The following ACBD4 variants were observed in gnomAD, a reference collection of about 807,000 sequenced individuals.
The protein encoded by ACBD4 is acyl-CoA binding domain containing 4.
A neutral mutation model predicts 46.0 loss-of-function variants in ACBD4; 41 were observed. That is an observed-to-expected ratio of 0.89 (90% CI 0.69 to 1.16). The LOEUF (loss-of-function observed/expected upper bound fraction) is 1.16. Among genes scored for constraint, ACBD4 ranks in the 50% most tolerant of loss-of-function variants. ACBD4 has a pLI of 0.00. For missense variants in ACBD4, 393 were observed against 399.5 expected (o/e 0.98, Z 0.14); for synonymous variants, 162 against 155.9 (o/e 1.04, Z -0.29).
chr17:45,136,743 C>T lies in ACBD4; in HGVS notation c.261C>T (p.Ala87=). The change falls in exon 4 of 10, where the codon GCC becomes GCT. Residue 87 remains alanine, a synonymous_variant. Transcript: ENST00000321854. The part of the protein sequence containing the change: ...GKMSREEAMS[A]YITEMKLVAQ... ...TGAGCAGGGAGGAGGCCATGTCTGC[C>T]TACATCACTGAAATGAAACTGGTGG... The T allele has an allele frequency of 6.2e-7, 1 of 1,613,804 alleles. No homozygotes were observed. Among genetic ancestry groups the T allele is most frequent in the Non-Finnish European group, 8.5e-7 (1 of 1,180,032 alleles).
intron 9 of ACBD4, among the ~76,000 whole-genome samples, chr17:45,142,389 C>CAAAAAAAAAAA (rs1161132274): frequency 3.0e-3 from 86 of 28,592 alleles, no homozygotes; most frequent in Admixed American, 3.2e-3. Context: ...CAAGACTCCT[C>CAAAAAAAAAAA]AAAAAAAAAA....
Position 45,143,527 on chromosome 17 carries a change from G to A in ACBD4, c.874G>A (p.Val292Ile). The A allele has an allele frequency of 1.2e-6, 2 of 1,613,958 alleles. No homozygotes were observed. Among genetic ancestry groups the A allele is most frequent in the Non-Finnish European group, 1.7e-6 (2 of 1,179,986 alleles). Residue 292 changes from valine to isoleucine, a missense_variant, in exon 10 of 10, where the codon GTC becomes ATC. By Grantham distance (29) the Val-to-Ile change is conservative (BLOSUM62 3). Around this residue, in one of 3 missense-constraint regions of ACBD4, gnomAD observed 308 missense variants for 301.8 expected, o/e 1.02. Transcript: ENST00000321854. ...GCTCTTCTTCCTCCTGTGGCCCTTC[G>A]TCGTCCAGTGGCTCTTCCGAATGTT... ...ALLFFLLWPF[V>I]VQWLFRMFRT... is the part of the protein sequence containing the mutation.
intron 2 of ACBD4, 61 bp from the exon 3 acceptor site, chr17:45,136,439 C>A: frequency 6.4e-7 from 1 of 1,561,242 alleles, no homozygotes; most frequent in Non-Finnish European, 8.7e-7. Flanking sequence ...GGTTCTCCCG[C>A]CCCTCCGCCC....
At chr17:45,139,307 G>A in intron 9 of ACBD4, 147 bp downstream of exon 9, 1 of 874,324 alleles carries the variant, frequency 1.1e-6, no homozygotes, top group South Asian at 1.6e-5. Flanking sequence ...GCTACAGGCA[G>A]GAGGTGGGGG....
Position 45,143,631 on chromosome 17 carries a change from C to G in ACBD4, c.*60C>G, listed in dbSNP as rs988359030. 6.8e-6 allele frequency: 11 copies of G among 1,613,244 alleles called. No individual in the cohort carries two copies. The highest frequency in any genetic ancestry group is 9.3e-6 in the Non-Finnish European group (11 of 1,179,654). On this transcript the variant is annotated 3_prime_UTR_variant, in exon 10 of 10. Coordinates refer to ENST00000321854, the MANE Select transcript of ACBD4 (RefSeq NM_001135705.3). The stretch of plus-strand genomic sequence containing the variant: ...CTATCTTGCTGTGCCCTGAGCCTTC[C>G]TAGGGTTTAGAAGAACAGCATTCAA...
At position 45,135,809 on chromosome 17, in the gene ACBD4, T is replaced by C; in HGVS notation, c.-182T>C. Reference sequence around the variant, plus strand: ...GGGAGACTGTTCGCCCCGCCCTGAGTACTCCTATCTTGTTTCTCCACCTGT... The same window carrying C: ...GGGAGACTGTTCGCCCCGCCCTGAGCACTCCTATCTTGTTTCTCCACCTGT... On this transcript the variant is annotated 5_prime_UTR_variant, in exon 1 of 10. Coordinates refer to ENST00000321854, the MANE Select transcript of ACBD4 (RefSeq NM_001135705.3). The C allele has an allele frequency of 4.1e-6, 1 of 241,088 alleles. No individual in the cohort carries two copies. Among genetic ancestry groups the C allele is most frequent in the Non-Finnish European group, 8.3e-6 (1 of 119,932 alleles). 14.9% of individuals were successfully genotyped at this position (241,088 alleles called of 1,614,324 possible). A position where few individuals can be genotyped will look rare whatever the true frequency, so the allele number is the denominator to read the frequency against.
At chr17:45,136,850 C>A in intron 4 of ACBD4, 74 bp downstream of exon 4, 1 of 1,594,250 alleles carries the variant, frequency 6.3e-7, no homozygotes, top group Non-Finnish European at 8.6e-7. Flanking sequence ...ACCCCCACTA[C>A]GTTTCCTACA....
chr17:45,137,171 GCTGAGTGAACCGT>G, intron 5 of ACBD4, 32 bp downstream of exon 5: 4 of 1,613,832 alleles, frequency 2.5e-6, no homozygotes, highest in Non-Finnish European at 3.4e-6. Flanking sequence ...CTCCAAAAGT[GCTGAGTGAACCGT>G]CTTAGGTCTA....
chr17:45,139,369 G>C (rs1345699064), intron 9 of ACBD4, among the ~76,000 whole-genome samples: 1 of 152,190 alleles, frequency 6.6e-6, no homozygotes, highest in Non-Finnish European at 1.5e-5. Context: ...AGTGGGTGGG[G>C]CCCTTTGCCG....
At position 45,136,228 on chromosome 17, in the gene ACBD4, G is replaced by A; in HGVS notation, c.84G>A (p.Lys28=). Reference sequence around the variant, plus strand: ...TGAGCGTCATCCAGAACCTGCCCAAGAACGGTGAGGCTGCGGGGACTCGCA... The same window carrying A: ...TGAGCGTCATCCAGAACCTGCCCAAAAACGGTGAGGCTGCGGGGACTCGCA... ...AAVSVIQNLP[K]NGSYRPSYEE... is the part of the protein sequence containing the mutation. Residue 28 remains lysine (K), a synonymous_variant, in exon 2 of 10, where the codon AAG becomes AAA. Transcript: ENST00000321854. 1 of 1,613,202 alleles carries A rather than the reference G, an allele frequency of 6.2e-7. No homozygotes were observed. The highest frequency in any genetic ancestry group is 1.1e-5 in the South Asian group (1 of 90,898).
upstream of ACBD4, among the ~76,000 whole-genome samples, chr17:45,134,796 A>C (rs1314694079): frequency 6.6e-6 from 1 of 152,058 alleles, no homozygotes; most frequent in East Asian, 1.9e-4. Context: ...TAAATAAAAT[A>C]AAATAAACAA....
rs1431648316 is a variant in ACBD4, at chr17:45,137,782, G to C, written c.525G>C (p.Leu175=). The C allele has an allele frequency of 6.2e-7, 1 of 1,614,004 alleles. No individual in the cohort carries two copies. Among genetic ancestry groups the C allele is most frequent in the Non-Finnish European group, 8.5e-7 (1 of 1,180,012 alleles). The change falls in exon 7 of 10, where the codon CTG becomes CTC. Residue 175 remains leucine, a synonymous_variant. Transcript: ENST00000321854. ...PSPESHSPRD[L]DSEVFCDSLE... ...CAGAGTCCCATTCACCCAGGGACCT[G>C]GACTCCGAGGTTTTCTGTGATTCCC...
chr17:45,133,461 G>A (rs2054572968), upstream of ACBD4: 5 of 150,514 alleles, frequency 3.3e-5, no homozygotes, highest in Admixed American at 3.3e-4. Flanking sequence ...AGATCTCCCA[G>A]GCCCAGAGAT....
Position 45,143,497 on chromosome 17 carries a change from G to A in ACBD4, c.844G>A (p.Ala282Thr), listed in dbSNP as rs1245999237. ...ATGGCCCCTTGGGCTCCCGGGGCCC[G>A]CGCTGCTCTTCTTCCTCCTGTGGCC... is the stretch of plus-strand genomic sequence containing the variant. ...RPWPLGLPGP[A>T]LLFFLLWPFV... Residue 282 changes from alanine to threonine, a missense_variant, in exon 10 of 10, where the codon GCG (alanine) becomes ACG (threonine). Transcript: ENST00000321854. 9 of 1,613,566 alleles carry A rather than the reference G, an allele frequency of 5.6e-6. No individual in the cohort carries two copies. In the South Asian group the frequency reaches 6.6e-5, roughly 12 times the overall value.
At chr17:45,132,383 G>A (rs1254002031), upstream of ACBD4, 8 of 1,226,842 alleles carry the variant, frequency 6.5e-6, no homozygotes, top group Admixed American at 3.4e-4. This position sits in a 1 kb window ranked among gnomAD's most constrained non-coding sequence, Gnocchi z 4.6. Context: ...GGCGGGCGGC[G>A]GCAACGCCTC....
intron 4 of ACBD4, 56 bp from the exon 5 acceptor site, chr17:45,136,963 G>C: frequency 1.2e-6 from 2 of 1,610,416 alleles, no homozygotes; most frequent in Non-Finnish European, 1.7e-6. Flanking sequence ...CAGGGCAGGA[G>C]CAGGGAGGAA....
At chr17:45,141,985 A>G (rs1456209823) in intron 9 of ACBD4, among the ~76,000 whole-genome samples, 1 of 152,018 alleles carries the variant, frequency 6.6e-6, no homozygotes, top group Non-Finnish European at 1.5e-5. Flanking sequence ...TCTACTAGCT[A>G]TCAGCTATCA....
chr17:45,135,339 A>G (rs2054748387), upstream of ACBD4: 5 of 152,130 alleles, frequency 3.3e-5, no homozygotes, highest in Non-Finnish European at 7.4e-5. Flanking sequence ...TTTAATCCCC[A>G]GTGCCTAAGT....
At position 45,143,904 on chromosome 17, in the gene ACBD4, C is replaced by T; in HGVS notation, c.*333C>T. The T allele has an allele frequency of 2.9e-6, 1 of 347,198 alleles. No homozygotes were observed. The highest frequency in any genetic ancestry group is 5.3e-6 in the Non-Finnish European group (1 of 188,936). The allele number at this position is 347,198 out of a possible 1,614,324, so 21.5% of individuals were successfully genotyped here. A position where few individuals can be genotyped will look rare whatever the true frequency, so the allele number is the denominator to read the frequency against. On this transcript the variant is annotated 3_prime_UTR_variant, in exon 10 of 10. Coordinates refer to ENST00000321854, the MANE Select transcript of ACBD4 (RefSeq NM_001135705.3). ...CCAGTCTCTGGGTCACCCGAATTTT[C>T]CCACCCCTGCTTCTCCCCGAGGAGG...
Sources: gnomAD v4.1 joint callset for allele counts (sites outside exome capture counted in the v4.1 genomes callset) on GRCh38, gnomAD v4.1.1 for gene constraint, gnomAD v4.1.1 regional missense constraint, Gnocchi (gnomAD v3.1) non-coding constraint, MANE v1.5 for transcripts, NCBI Gene and HGNC (gene_info 2026-07-23, HGNC 2026-07-21) for gene names.